ARL15: variants seen among roughly 807,000 people sequenced by gnomAD.
The protein encoded by ARL15 is ARF like GTPase 15, also known as ADP-ribosylation factor-like protein 15.
ARL15 carries 19 observed loss-of-function variants against 25.2 expected under a neutral mutation model. The observed-to-expected ratio is 0.75, with a 90% CI of 0.53 to 1.10. ARL15 has a LOEUF of 1.10. Among genes scored for constraint, ARL15 ranks in the 50% least tolerant of loss-of-function variants. The probability of loss-of-function intolerance (pLI) is 0.00; values close to 1 mark genes in which losing one functional copy is unlikely to be tolerated. For missense variants in ARL15, 220 were observed against 246.0 expected (o/e 0.89, Z 0.71); for synonymous variants, 94 against 86.8 (o/e 1.08, Z -0.46).
intron 4 of ARL15, among the ~76,000 whole-genome samples, chr5:54,064,843 T>C (rs775891262): frequency 1.3e-5 from 2 of 152,016 alleles, no homozygotes; most frequent in Non-Finnish European, 2.9e-5. Context: ...GATAAAAAAA[T>C]ACAGTATTAG....
At chr5:54,296,955 T>G (rs1443918740) in intron 1 of ARL15, among the ~76,000 whole-genome samples, 1 of 152,144 alleles carries the variant, frequency 6.6e-6, no homozygotes, top group Non-Finnish European at 1.5e-5. Flanking sequence ...GAGATGGGCT[T>G]ATTGGAAAGG....
chr5:54,075,886 C>T lies in ARL15; in HGVS notation c.462+37316G>A, dbSNP rs375155781. ...ATTAAATGTGGTAAAATGAAGAGTA[C>T]GGACTAGGTAAGAGGATAAGATCTA... On this transcript the variant is annotated intron_variant, in intron 4 of 4. Coordinates refer to ENST00000504924, the MANE Select transcript of ARL15 (RefSeq NM_019087.3). Among the ~76,000 whole-genome samples the T allele has an allele frequency of 3.9e-5, 6 of 152,152 alleles. No individual in the cohort carries two copies. The East Asian group carries it at 9.7e-4, about 24-fold the overall frequency.
intron 4 of ARL15, among the ~76,000 whole-genome samples, chr5:53,951,297 T>C (rs1357330645): frequency 6.6e-6 from 1 of 152,190 alleles, no homozygotes; most frequent in South Asian, 2.1e-4. Context: ...TCAAATACCA[T>C]CTGTGGTGAA....
intron 1 of ARL15, among the ~76,000 whole-genome samples, chr5:54,210,096 T>C (rs577438522): frequency 1.9e-3 from 293 of 152,290 alleles, no homozygotes; most frequent in Non-Finnish European, 2.9e-3. Context: ...CCTTAATGTC[T>C]TCCATGAAAG....
intron 1 of ARL15, among the ~76,000 whole-genome samples, chr5:54,189,623 T>C (rs796176053): frequency 5.3e-5 from 8 of 152,284 alleles, no homozygotes; most frequent in African/African-American, 1.2e-4. Flanking sequence ...CCTTACCTAA[T>C]GCCATATACA....
intron 4 of ARL15, among the ~76,000 whole-genome samples, chr5:53,914,221 C>T (rs1376818566): frequency 6.6e-6 from 1 of 151,674 alleles, no homozygotes; most frequent in African/African-American, 2.4e-5. Flanking sequence ...TTTTGATCTC[C>T]TTCTCTGAGG....
intron 1 of ARL15, among the ~76,000 whole-genome samples, chr5:54,189,013 C>T (rs771738829): frequency 6.6e-6 from 1 of 152,094 alleles, no homozygotes; most frequent in Non-Finnish European, 1.5e-5. Context: ...AGTTGCATGT[C>T]TGTACACTAA....
chr5:54,062,729 A>G (rs932924172), intron 4 of ARL15, among the ~76,000 whole-genome samples: 1 of 152,180 alleles, frequency 6.6e-6, no homozygotes, highest in African/African-American at 2.4e-5. Context: ...AAATGGACTA[A>G]TACATATACC....
chr5:53,989,401 A>C (rs1748408607), intron 4 of ARL15, among the ~76,000 whole-genome samples: 1 of 152,198 alleles, frequency 6.6e-6, no homozygotes, highest in South Asian at 2.1e-4. Context: ...GTGATTCTTC[A>C]AATTTCAAAA....
At chr5:54,077,663 G>T (rs1751655011) in intron 4 of ARL15, among the ~76,000 whole-genome samples, 1 of 152,154 alleles carries the variant, frequency 6.6e-6, no homozygotes, top group Admixed American at 6.5e-5. Flanking sequence ...ATAAAATCTG[G>T]AGTGTGTACA....
chr5:54,021,371 G>T (rs961761866), intron 4 of ARL15, among the ~76,000 whole-genome samples: 3 of 151,856 alleles, frequency 2.0e-5, no homozygotes, highest in Admixed American at 1.3e-4. Context: ...GCTTTAATGA[G>T]CAATAATAAA....
chr5:53,968,399 C>T (rs765110304), intron 4 of ARL15, among the ~76,000 whole-genome samples: 4 of 152,090 alleles, frequency 2.6e-5, no homozygotes, highest in Non-Finnish European at 4.4e-5. Flanking sequence ...GGCCAAAAAA[C>T]CCAAACAAAC....
chr5:54,212,996 G>C (rs1366121593), intron 1 of ARL15, among the ~76,000 whole-genome samples: 1 of 152,160 alleles, frequency 6.6e-6, no homozygotes, highest in Non-Finnish European at 1.5e-5. Flanking sequence ...CTAACATCCT[G>C]TATCTCCTTT....
intron 1 of ARL15, among the ~76,000 whole-genome samples, chr5:54,254,331 A>G (rs1335888855): frequency 6.6e-6 from 1 of 152,216 alleles, no homozygotes; most frequent in African/African-American, 2.4e-5. Flanking sequence ...CCTCTATTAT[A>G]TAAGGAGTCT....
intron 1 of ARL15, chr5:54,282,579 T>C (rs1758087319): frequency 1.0e-6 from 1 of 981,156 alleles, no homozygotes; most frequent in Non-Finnish European, 1.2e-6. Flanking sequence ...AAGAGCATCA[T>C]TTAAGGAGTG....
At chr5:54,020,553 C>A (rs1749565712) in intron 4 of ARL15, among the ~76,000 whole-genome samples, 1 of 152,146 alleles carries the variant, frequency 6.6e-6, no homozygotes, top group Non-Finnish European at 1.5e-5. Flanking sequence ...GACAGAAGGT[C>A]TCAAAAAGAT....
chr5:54,063,200 C>T (rs1263739095), intron 4 of ARL15, among the ~76,000 whole-genome samples: 1 of 152,216 alleles, frequency 6.6e-6, no homozygotes, highest in Non-Finnish European at 1.5e-5. Context: ...TGCAGCGTGT[C>T]TTCCGAGTAC....
chr5:54,176,067 GCT>G (rs1469419723), intron 1 of ARL15, among the ~76,000 whole-genome samples: 1 of 152,124 alleles, frequency 6.6e-6, no homozygotes, highest in East Asian at 1.9e-4. Context: ...GTCTCCCCAA[GCT>G]CTTTCTCTAA....
intron 4 of ARL15, among the ~76,000 whole-genome samples, chr5:53,924,056 G>A (rs1745941986): frequency 6.6e-6 from 1 of 152,142 alleles, no homozygotes; most frequent in Non-Finnish European, 1.5e-5. Flanking sequence ...TTCTCTTCCT[G>A]GCGTTAGACT....
Sources: allele counts gnomAD v4.1 joint callset (sites outside exome capture counted in the v4.1 genomes callset), GRCh38; gene constraint gnomAD v4.1.1; transcripts MANE v1.5; gene names NCBI Gene and HGNC (gene_info 2026-07-23, HGNC 2026-07-21).